Variants in ACOT7 observed in about 807,000 individuals in gnomAD.
ACOT7 encodes acyl-CoA thioesterase 7, also known as cytosolic acyl coenzyme A thioester hydrolase.
ACOT7 carries 12 observed loss-of-function variants against 40.2 expected under a neutral mutation model. That is an observed-to-expected ratio of 0.30 (90% CI 0.19 to 0.48). The LOEUF (loss-of-function observed/expected upper bound fraction) is 0.48. ACOT7 is among the 20% of genes least tolerant of loss of function. The pLI is 0.99. For synonymous variants in ACOT7, 228 were observed against 219.5 expected (o/e 1.04, Z -0.34); for missense variants, 395 against 530.8 (o/e 0.74, Z 2.51).
At chr1:6,324,434 G>A (rs1008533932) in intron 5 of ACOT7, among the ~76,000 whole-genome samples, 1 of 152,156 alleles carries the variant, frequency 6.6e-6, no homozygotes, top group East Asian at 1.9e-4. Flanking sequence ...AAAATATCAC[G>A]TGTAGATTTA....
rs1307189060 is a variant in ACOT7, at chr1:6,301,522, C to G, written c.713-6542G>C. ...CCCCAGACCACACTGCATGATGTGA[C>G]ATGGACGCCTGCACTGGGTGAGGAC... On this transcript the variant is annotated intron_variant, in intron 6 of 8. Transcript: ENST00000361521. This position sits in a 1 kb window ranked among gnomAD's most constrained non-coding sequence, Gnocchi z 4.1. Among the ~76,000 whole-genome samples, 1 of 152,214 alleles carries G rather than the reference C, an allele frequency of 6.6e-6. No homozygotes were observed. Among genetic ancestry groups the G allele is most frequent in the South Asian group, 2.1e-4 (1 of 4,822 alleles).
chr1:6,267,132 G>A (rs1417760699), intron 8 of ACOT7, among the ~76,000 whole-genome samples: 1 of 152,222 alleles, frequency 6.6e-6, no homozygotes, highest in Non-Finnish European at 1.5e-5. Context: ...CCTGGCCCAG[G>A]AAAGGCAGCT....
intron 6 of ACOT7, among the ~76,000 whole-genome samples, chr1:6,316,058 C>T (rs1640484131): frequency 6.6e-6 from 1 of 152,152 alleles, no homozygotes; most frequent in Non-Finnish European, 1.5e-5. Context: ...CTTTTCAGCA[C>T]GTAGACAGCG....
intron 8 of ACOT7, among the ~76,000 whole-genome samples, chr1:6,277,912 A>G (rs1427676577): frequency 2.0e-5 from 3 of 151,992 alleles, no homozygotes; most frequent in African/African-American, 7.2e-5. Context: ...CCCACCCCAC[A>G]TGGTGGGCAC....
In ACOT7 at chr1:6,335,327, CAAAAAAAA is replaced by C. The variant is rs58439931; in HGVS notation, c.419-1767_419-1760del. ...GGGCAACGAGAGCAAAACTCTGCCT[CAAAAAAAA>C]AAAAAAAAAAAAAAAAATTAGCTGG... is the stretch of plus-strand genomic sequence containing the variant. On this transcript the variant is annotated intron_variant, in intron 3 of 8. Transcript: ENST00000361521. Among the ~76,000 whole-genome samples the C allele has an allele frequency of 7.7e-4, 45 of 58,338 alleles. No individual in the cohort carries two copies. The East Asian group carries it at 0.012, about 15-fold the overall frequency. 38.3% of individuals were successfully genotyped at this position (58,338 alleles called of 152,430 possible).
In ACOT7 at chr1:6,294,556, C is replaced by T. The variant is rs1317567987; in HGVS notation, c.829+308G>A. ...TGCCATGAGGTTTGGTGTCCAGGGT[C>T]GTGGCAGCTGCAGGCACAGGACCTT... On this transcript the variant is annotated intron_variant, in intron 7 of 8. Coordinates refer to ENST00000361521, the MANE Select transcript of ACOT7 (RefSeq NM_007274.4). This position sits in a 1 kb window ranked among gnomAD's most constrained non-coding sequence, Gnocchi z 4.6. Among the ~76,000 whole-genome samples, 2 of 152,168 alleles carry T rather than the reference C, an allele frequency of 1.3e-5. No individual in the cohort carries two copies. Among genetic ancestry groups the T allele is most frequent in the South Asian group, 2.1e-4 (1 of 4,830 alleles).
rs1639341107 is a variant in ACOT7, at chr1:6,281,029, CT to C, written c.1014+72del. 4 of 1,545,194 alleles carry C rather than the reference CT, an allele frequency of 2.6e-6. No homozygotes were observed. In the Admixed American group the frequency reaches 7.5e-5, roughly 29 times the overall value. On this transcript the variant is annotated intron_variant, in intron 8 of 8. Transcript: ENST00000361521. ...GGACTCATGCAGGCACAGATTCCCC[CT>C]GGAGGCCCAAACACAGGGACCCTAG...
rs780058297 is a variant in ACOT7, at chr1:6,327,354, C to T, written c.570G>A (p.Glu190=). ...GRKRYEAQKL[E]RMETKWRNGD... ...CGTTCCTCCACTTGGTCTCCATGCG[C>T]TCCAGCTTCTGGGCTTCATACCGCT... is the stretch of plus-strand genomic sequence containing the variant. The change falls in exon 5 of 9, where the codon GAG becomes GAA. Residue 190 remains glutamate (E), a synonymous_variant. Transcript: ENST00000361521. 2 of 1,614,216 alleles carry T rather than the reference C, an allele frequency of 1.2e-6. No homozygotes were observed. Among genetic ancestry groups the T allele is most frequent in the Admixed American group, 3.3e-5 (2 of 60,030 alleles).
At chr1:6,331,458 A>G (rs1640953241) in intron 4 of ACOT7, among the ~76,000 whole-genome samples, 1 of 152,236 alleles carries the variant, frequency 6.6e-6, no homozygotes, top group African/African-American at 2.4e-5. Context: ...GCCTGGGGCC[A>G]ATGGAGGGCG....
At chr1:6,305,610 C>T in intron 6 of ACOT7, among the ~76,000 whole-genome samples, 1 of 151,126 alleles carries the variant, frequency 6.6e-6, no homozygotes, top group African/African-American at 2.4e-5. Flanking sequence ...GGCAGAGGCG[C>T]TCCCCACATC....
chr1:6,291,105 T>C (rs982041469), intron 7 of ACOT7, among the ~76,000 whole-genome samples: 1 of 152,190 alleles, frequency 6.6e-6, no homozygotes, highest in African/African-American at 2.4e-5. Context: ...AGTATCTACA[T>C]GAGTTGAGCT....
intron 6 of ACOT7, among the ~76,000 whole-genome samples, chr1:6,312,109 C>G (rs187107180): frequency 3.2e-4 from 49 of 152,234 alleles, no homozygotes; most frequent in East Asian, 2.9e-3. Context: ...TGGCTCTAAG[C>G]AAAAGGAGGC....
In ACOT7 at chr1:6,275,439, T is replaced by G. The variant is rs1218344559; in HGVS notation, c.1014+5663A>C. 6.6e-6 allele frequency among the ~76,000 whole-genome samples: 1 copy of G among 152,086 alleles called. No homozygotes were observed. The highest frequency in any genetic ancestry group is 6.5e-5 in the Admixed American group (1 of 15,268). On this transcript the variant is annotated intron_variant, in intron 8 of 8. Transcript: ENST00000361521. This position sits in a 1 kb window ranked among gnomAD's most constrained non-coding sequence, Gnocchi z 5.6. ...GCAGCTCTGAAAGGCAAGGTAAAGA[T>G]GGCCACAGCTAGGCCAGGCGCGGTA...
At chr1:6,296,537 C>T (rs983678869) in intron 6 of ACOT7, among the ~76,000 whole-genome samples, 1 of 152,074 alleles carries the variant, frequency 6.6e-6, no homozygotes, top group Non-Finnish European at 1.5e-5. Context: ...AATTCTCCTG[C>T]CTCAGCCTCC....
Position 6,393,121 on chromosome 1 carries a change from G to T in ACOT7, c.143+136C>A. On this transcript the variant is annotated intron_variant, in intron 1 of 8. Transcript: ENST00000361521. ...CGGCCGGGCGGGCGTCCGGGGCGGC[G>T]GCGCGGAAGGCCGTGCGGGGAATCG... 2.0e-6 allele frequency: 2 copies of T among 1,013,960 alleles called. 1 individual carries two copies. Among genetic ancestry groups the T allele is most frequent in the South Asian group, 9.4e-5 (2 of 21,260 alleles). 62.8% of individuals were successfully genotyped at this position (1,013,960 alleles called of 1,614,324 possible).
chr1:6,356,205 ACGGGAGCAGCCTCCCGTCAAACCTT>A (rs1385932291), intron 1 of ACOT7, among the ~76,000 whole-genome samples: 1 of 152,132 alleles, frequency 6.6e-6, no homozygotes, highest in East Asian at 1.9e-4. Flanking sequence ...GAAGGCAGAG[ACGGGAGCAGCCTCCCGTCAAACCTT>A]CGGGAGCATG....
At position 6,278,932 on chromosome 1, in the gene ACOT7, T is replaced by C. The variant is rs1057174341; in HGVS notation, c.1014+2170A>G. ...AGAGGGAAGACAGAACTGGGAAAGT[T>C]TGTCCAGGAGGCAGGAAGAGGTAGG... On this transcript the variant is annotated intron_variant, in intron 8 of 8. Transcript: ENST00000361521. The surrounding 1 kb of genome is among the most constrained non-coding windows in gnomAD (Gnocchi z 4.1). Among the ~76,000 whole-genome samples, 1 of 152,074 alleles carries C rather than the reference T, an allele frequency of 6.6e-6. No individual in the cohort carries two copies. The highest frequency in any genetic ancestry group is 2.1e-4 in the South Asian group (1 of 4,816).
At chr1:6,296,064 C>A (rs1177776641) in intron 6 of ACOT7, among the ~76,000 whole-genome samples, 1 of 152,054 alleles carries the variant, frequency 6.6e-6, no homozygotes, top group Non-Finnish European at 1.5e-5. Context: ...GTTACCACAC[C>A]TGGCTAATAT....
rs1270051528 is a variant in ACOT7 at position 6,278,217 on chromosome 1, G to C, written c.1014+2885C>G. On this transcript the variant is annotated intron_variant, in intron 8 of 8. Transcript: ENST00000361521. The surrounding 1 kb of genome is among the most constrained non-coding windows in gnomAD (Gnocchi z 4.1). The stretch of plus-strand genomic sequence containing the variant: ...GCTCTGGGGAGGGTGGTCCAGATGG[G>C]AGCAGCAGGTGCACAGGCGCCGGGC... 6.6e-6 allele frequency among the ~76,000 whole-genome samples: 1 copy of C among 152,156 alleles called. No individual in the cohort carries two copies. Among genetic ancestry groups the C allele is most frequent in the African/African-American group, 2.4e-5 (1 of 41,426 alleles).
Sources: gnomAD v4.1 joint callset for allele counts (sites outside exome capture counted in the v4.1 genomes callset) on GRCh38, gnomAD v4.1.1 for gene constraint, Gnocchi (gnomAD v3.1) non-coding constraint, MANE v1.5 for transcripts, NCBI Gene and HGNC (gene_info 2026-07-23, HGNC 2026-07-21) for gene names.